Variants in GLRB observed in about 807,000 individuals in gnomAD.
The protein encoded by GLRB is glycine receptor beta, also known as glycine receptor subunit beta.
GLRB carries 33 observed loss-of-function variants against 54.2 expected under a neutral mutation model. The observed-to-expected ratio is 0.61, with a 90% CI of 0.46 to 0.81. The LOEUF (loss-of-function observed/expected upper bound fraction) is 0.81. Among genes scored for constraint, GLRB ranks in the 40% least tolerant of loss-of-function variants. The probability of loss-of-function intolerance (pLI) is 0.00; values close to 1 mark genes in which losing one functional copy is unlikely to be tolerated. For missense variants in GLRB, 572 were observed against 584.6 expected (o/e 0.98, Z 0.22); for synonymous variants, 209 against 208.2 (o/e 1.00, Z -0.03).
intron 6 of GLRB, among the ~76,000 whole-genome samples, chr4:157,138,213 A>G (rs1318622907): frequency 6.6e-6 from 1 of 152,082 alleles, no homozygotes; most frequent in African/African-American, 2.4e-5. Context: ...CTGAGATCAC[A>G]TGCGTCCACC....
At chr4:157,099,680 T>C (rs982696343) in intron 2 of GLRB, among the ~76,000 whole-genome samples, 2 of 152,180 alleles carry the variant, frequency 1.3e-5, no homozygotes, top group African/African-American at 4.8e-5. Context: ...ACATAAACAT[T>C]CATATCTGTT....
rs1579263347 is a variant in GLRB at position 157,172,019 on chromosome 4, T to A, written c.*1291T>A. ...AGACTAAAGAAGTATATTTACATTA[T>A]CTGGAGAGTTTTGTTGCAGCTACGA... On this transcript the variant is annotated 3_prime_UTR_variant, in exon 10 of 10. Coordinates refer to ENST00000264428, the MANE Select transcript of GLRB (RefSeq NM_000824.5). 1 of 151,990 alleles carries A rather than the reference T, an allele frequency of 6.6e-6. No individual in the cohort carries two copies. Among genetic ancestry groups the A allele is most frequent in the East Asian group, 1.9e-4 (1 of 5,184 alleles). The allele number at this position is 151,990 out of a possible 1,614,324, so 9.4% of individuals were successfully genotyped here. A position where few individuals can be genotyped will look rare whatever the true frequency, so the allele number is the denominator to read the frequency against.
At chr4:157,137,386 C>G (rs1222810341) in intron 6 of GLRB, among the ~76,000 whole-genome samples, 1 of 151,236 alleles carries the variant, frequency 6.6e-6, no homozygotes, top group Non-Finnish European at 1.5e-5. Context: ...AAAAGGTACC[C>G]TAGGTGTATT....
chr4:157,168,651 G>A (rs1737807371), intron 9 of GLRB, among the ~76,000 whole-genome samples: 1 of 151,962 alleles, frequency 6.6e-6, no homozygotes, highest in Admixed American at 6.6e-5. Flanking sequence ...GTATAGAAAG[G>A]TGAACTTCTA....
intron 2 of GLRB, among the ~76,000 whole-genome samples, chr4:157,092,691 G>C (rs1488742201): frequency 6.6e-6 from 1 of 152,156 alleles, no homozygotes; most frequent in Non-Finnish European, 1.5e-5. Context: ...CACATGGGAG[G>C]CCATCGACTT....
At chr4:157,146,570 G>C (rs1736819648) in intron 8 of GLRB, among the ~76,000 whole-genome samples, 1 of 151,910 alleles carries the variant, frequency 6.6e-6, no homozygotes, top group South Asian at 2.1e-4. Context: ...TGTAATCCCA[G>C]CACTTTGGGA....
intron 2 of GLRB, among the ~76,000 whole-genome samples, chr4:157,106,392 A>G (rs887111667): frequency 2.6e-5 from 4 of 152,118 alleles, no homozygotes; most frequent in Non-Finnish European, 4.4e-5. Context: ...CAACTTGACT[A>G]CAACAAGGAA....
intron 2 of GLRB, among the ~76,000 whole-genome samples, chr4:157,116,454 A>G (rs1735612479): frequency 1.3e-5 from 2 of 151,678 alleles, no homozygotes; most frequent in South Asian, 4.1e-4. Context: ...CAGAATATGA[A>G]GACTTTAATA....
At chr4:157,084,588 T>G in intron 2 of GLRB, 1 of 456,136 alleles carries the variant, frequency 2.2e-6, no homozygotes, top group Non-Finnish European at 4.4e-6. Flanking sequence ...TCTTTGTTAG[T>G]TTTTTCATAA....
At chr4:157,102,442 C>T (rs1579199385) in intron 2 of GLRB, among the ~76,000 whole-genome samples, 2 of 152,030 alleles carry the variant, frequency 1.3e-5, no homozygotes, top group Admixed American at 6.6e-5. Flanking sequence ...TGGTATTTGT[C>T]GTTCTGTGAT....
At chr4:157,122,283 C>A in intron 3 of GLRB, 47 bp from the exon 4 acceptor site, 1 of 765,604 alleles carries the variant, frequency 1.3e-6, no homozygotes, top group Non-Finnish European at 2.2e-6. Context: ...ATGATTCTGA[C>A]CAAGTTTTTT....
At chr4:157,077,945 T>C (rs973834471) in intron 1 of GLRB, 51 bp from the exon 2 acceptor site, 1 of 1,213,072 alleles carries the variant, frequency 8.2e-7, no homozygotes, top group Non-Finnish European at 1.2e-6. Context: ...GACAGTCATA[T>C]AGTTATCATT....
At chr4:157,087,899 G>T (rs1229746445) in intron 2 of GLRB, among the ~76,000 whole-genome samples, 1 of 151,560 alleles carries the variant, frequency 6.6e-6, no homozygotes, top group Non-Finnish European at 1.5e-5. Flanking sequence ...ACATATCATT[G>T]CTCTGCTAAA....
chr4:157,087,311 A>T (rs968032244), intron 2 of GLRB, among the ~76,000 whole-genome samples: 1 of 152,136 alleles, frequency 6.6e-6, no homozygotes, highest in South Asian at 2.1e-4. Flanking sequence ...AAAGAACACC[A>T]CTGTATCTCC....
At chr4:157,107,374 T>C (rs1735264559) in intron 2 of GLRB, among the ~76,000 whole-genome samples, 1 of 152,072 alleles carries the variant, frequency 6.6e-6, no homozygotes, top group Non-Finnish European at 1.5e-5. Flanking sequence ...GGTCTCTTTG[T>C]CAAACGGCCA....
chr4:157,108,420 G>A (rs1232821257), intron 2 of GLRB, among the ~76,000 whole-genome samples: 1 of 150,598 alleles, frequency 6.6e-6, no homozygotes, highest in Non-Finnish European at 1.5e-5. Flanking sequence ...ATTGACAGGA[G>A]TTTGGAAGAA....
At chr4:157,124,041 C>T (rs2126538303) in intron 4 of GLRB, among the ~76,000 whole-genome samples, 1 of 151,794 alleles carries the variant, frequency 6.6e-6, no homozygotes, top group African/African-American at 2.4e-5. Flanking sequence ...TGGTAGGTCT[C>T]ATCAGTAGTT....
intron 2 of GLRB, among the ~76,000 whole-genome samples, chr4:157,101,080 G>C (rs1448417457): frequency 6.6e-6 from 1 of 152,020 alleles, no homozygotes; most frequent in African/African-American, 2.4e-5. Context: ...AATTCTACAA[G>C]GGACAAATAA....
intron 3 of GLRB, among the ~76,000 whole-genome samples, chr4:157,121,431 G>T (rs923941645): frequency 6.7e-6 from 1 of 148,540 alleles, no homozygotes; most frequent in African/African-American, 2.5e-5. Context: ...TATTAATGTA[G>T]ATCAGATTAA....
Sources: allele counts gnomAD v4.1 joint callset (sites outside exome capture counted in the v4.1 genomes callset), GRCh38; gene constraint gnomAD v4.1.1; transcripts MANE v1.5; gene names NCBI Gene and HGNC (gene_info 2026-07-23, HGNC 2026-07-21).